The following NTM variants were observed in gnomAD, a reference collection of about 807,000 sequenced individuals.
The protein encoded by NTM is IgLON family member 2.
A neutral mutation model predicts 42.1 loss-of-function variants in NTM; 13 were observed. The observed-to-expected ratio is 0.31, with a 90% CI of 0.20 to 0.49. NTM has a LOEUF of 0.49. Ranked by LOEUF, NTM falls within the 20% of genes least tolerant of loss-of-function variation. NTM has a pLI of 0.99. For synonymous variants in NTM, 187 were observed against 179.2 expected (o/e 1.04, Z -0.35); for missense variants, 373 against 452.8 (o/e 0.82, Z 1.60).
At chr11:132,126,968 T>G (rs1000294691) in intron 2 of NTM, among the ~76,000 whole-genome samples, 3 of 152,208 alleles carry the variant, frequency 2.0e-5, no homozygotes, top group Non-Finnish European at 4.4e-5. Flanking sequence ...TTAACTTGCT[T>G]CTTTCGGGCC....
intron 2 of NTM, among the ~76,000 whole-genome samples, chr11:131,941,040 G>A (rs548674508): frequency 2.2e-4 from 33 of 152,310 alleles, no homozygotes; most frequent in Non-Finnish European, 4.3e-4. Context: ...CATAGGGCAC[G>A]TGGAGGGGTT....
At chr11:131,760,772 AG>A (rs1256846299) in intron 1 of NTM, among the ~76,000 whole-genome samples, 1 of 152,174 alleles carries the variant, frequency 6.6e-6, no homozygotes, top group Non-Finnish European at 1.5e-5. Flanking sequence ...AGCCTCAGGA[AG>A]GGTCGCCGGG....
chr11:131,558,923 AAAAG>A (rs375307652), intron 1 of NTM, among the ~76,000 whole-genome samples: 27 of 152,308 alleles, frequency 1.8e-4, no homozygotes, highest in South Asian at 8.3e-4. Flanking sequence ...CAGAAAATGA[AAAAG>A]AAAGAAAGAA....
chr11:131,878,592 AAAATATATATATATATATAT>A (rs2048918998), intron 1 of NTM, among the ~76,000 whole-genome samples: 2 of 26,292 alleles, frequency 7.6e-5, no homozygotes, highest in African/African-American at 1.2e-4. Flanking sequence ...AAAAAAAAAA[AAAATATATATATATATATAT>A]ATATATATAT....
At chr11:131,661,594 A>T (rs1366891140) in intron 1 of NTM, among the ~76,000 whole-genome samples, 1 of 152,172 alleles carries the variant, frequency 6.6e-6, no homozygotes, top group Non-Finnish European at 1.5e-5. Flanking sequence ...TCTCTTTAGC[A>T]TGAGGCAGGG....
intron 2 of NTM, among the ~76,000 whole-genome samples, chr11:131,980,264 G>A (rs1447243282): frequency 6.6e-6 from 1 of 152,162 alleles, no homozygotes; most frequent in Non-Finnish European, 1.5e-5. Context: ...GCAAAATGAT[G>A]TCTGGTATAT....
In NTM at chr11:132,314,541, G is replaced by T. The variant is rs1181662763; in HGVS notation, c.783-11G>T. 32 of 1,598,842 alleles carry T rather than the reference G, an allele frequency of 2.0e-5. No individual in the cohort carries two copies. The Admixed American group carries it at 2.1e-4, about 11-fold the overall frequency. ...CTTGTTTTCTTCTTTTTTGTCTTTT[G>T]TTTCTCTCAGACTGATTGAAGGAAA... On this transcript the variant is annotated splice_polypyrimidine_tract_variant and intron_variant, in intron 6 of 8. Transcript: ENST00000683400.
At chr11:131,886,552 T>C (rs2050427220) in intron 1 of NTM, among the ~76,000 whole-genome samples, 1 of 152,270 alleles carries the variant, frequency 6.6e-6, no homozygotes, top group African/African-American at 2.4e-5. Context: ...GAGGCACGCC[T>C]CTTGTGTTTA....
rs931183679 is a variant in NTM at position 132,002,086 on chromosome 11, A to G, written c.167+90438A>G. 2.0e-5 allele frequency among the ~76,000 whole-genome samples: 3 copies of G among 152,166 alleles called. No individual in the cohort carries two copies. Among genetic ancestry groups the G allele is most frequent in the African/African-American group, 4.8e-5 (2 of 41,456 alleles). ...ATGAATTAGGCTCACAGGGGTGGAG[A>G]GTTGATGCTGTCCATGGCAACCGGG... On this transcript the variant is annotated intron_variant, in intron 2 of 8. Coordinates refer to ENST00000683400, the MANE Select transcript of NTM (RefSeq NM_001352005.2). This position sits in a 1 kb window ranked among gnomAD's most constrained non-coding sequence, Gnocchi z 4.5.
chr11:132,223,347 G>T (rs1282680118), intron 4 of NTM, among the ~76,000 whole-genome samples: 1 of 152,172 alleles, frequency 6.6e-6, no homozygotes, highest in Non-Finnish European at 1.5e-5. Flanking sequence ...GAGATGATCA[G>T]GTGTGTGTTT....
chr11:131,680,470 T>C (rs2072324535), intron 1 of NTM, among the ~76,000 whole-genome samples: 1 of 74,038 alleles, frequency 1.4e-5, no homozygotes, highest in Admixed American at 1.6e-4. Flanking sequence ...TGTGAGTGCC[T>C]GTGTGTGTGC....
intron 1 of NTM, among the ~76,000 whole-genome samples, chr11:131,474,448 C>T (rs1336302884): frequency 1.3e-5 from 2 of 152,224 alleles, no homozygotes; most frequent in Non-Finnish European, 2.9e-5. Flanking sequence ...CAATCTTGAT[C>T]TCCAGTCCAT....
At chr11:131,732,661 C>A (rs3105607) in intron 1 of NTM, among the ~76,000 whole-genome samples, 34,942 of 152,106 alleles carry the variant, frequency 0.23, 4,751 homozygotes, top group African/African-American at 0.37. Context: ...TGCATGTTAC[C>A]TTTATGTATT....
chr11:131,527,464 A>C (rs548629181), intron 1 of NTM, among the ~76,000 whole-genome samples: 2 of 152,278 alleles, frequency 1.3e-5, no homozygotes, highest in East Asian at 3.9e-4. Context: ...TTCCCAAATT[A>C]GTTTCCTGGC....
At chr11:131,910,816 C>T (rs1348577799) in intron 1 of NTM, 2 of 984,126 alleles carry the variant, frequency 2.0e-6, no homozygotes, top group Non-Finnish European at 2.4e-6. Flanking sequence ...CGCCGGACAG[C>T]GGCGGCCGCA....
intron 2 of NTM, among the ~76,000 whole-genome samples, chr11:131,952,410 T>C (rs749690642): frequency 2.6e-5 from 4 of 152,254 alleles, no homozygotes; most frequent in African/African-American, 4.8e-5. Context: ...CACATATATG[T>C]ACATGCACGT....
intron 1 of NTM, among the ~76,000 whole-genome samples, chr11:131,431,900 C>G (rs926235466): frequency 2.0e-5 from 3 of 152,128 alleles, no homozygotes; most frequent in Non-Finnish European, 4.4e-5. Context: ...ATCAGACACT[C>G]CCCCACACCC....
rs191278503 is a variant in NTM at position 131,679,526 on chromosome 11, C to T, written c.83-232038C>T. ...ACTTCTGGGCGTGGACACAGAAGTG[C>T]GGGCATGCTGCCTGCCCAGCTTTCA... On this transcript the variant is annotated intron_variant, in intron 1 of 8. Coordinates refer to ENST00000683400, the MANE Select transcript of NTM (RefSeq NM_001352005.2). Among the ~76,000 whole-genome samples the T allele has an allele frequency of 7.2e-3, 1,097 of 151,990 alleles. 6 individuals are homozygous for T. The highest frequency in any genetic ancestry group is 0.014 in the Middle Eastern group (4 of 294).
At chr11:131,495,739 G>C (rs1955273040) in intron 1 of NTM, among the ~76,000 whole-genome samples, 1 of 152,226 alleles carries the variant, frequency 6.6e-6, no homozygotes, top group African/African-American at 2.4e-5. Context: ...CTTCAAGCTG[G>C]GGAGGGGGAT....
Sources: allele counts gnomAD v4.1 joint callset (sites outside exome capture counted in the v4.1 genomes callset), GRCh38; gene constraint gnomAD v4.1.1; non-coding constraint Gnocchi (gnomAD v3.1); transcripts MANE v1.5; gene names NCBI Gene and HGNC (gene_info 2026-07-23, HGNC 2026-07-21).